Variants in MYO16 observed in about 807,000 individuals in gnomAD.
The protein encoded by MYO16 is myosin XVI.
In MYO16, 94 loss-of-function variants were observed where a neutral mutation model predicts 205.3. That is an observed-to-expected ratio of 0.46 (90% confidence interval 0.39 to 0.54). MYO16 has a LOEUF of 0.54. Ranked by LOEUF, MYO16 falls within the 20% of genes least tolerant of loss-of-function variation. The pLI, the probability that MYO16 is intolerant of heterozygous loss-of-function variation, is 0.00. For synonymous variants in MYO16, 988 were observed against 954.0 expected (o/e 1.04, Z -0.66); for missense variants, 2,315 against 2,387.5 (o/e 0.97, Z 0.63).
At chr13:108,741,146 C>T (rs780475350) in intron 4 of MYO16, among the ~76,000 whole-genome samples, 1 of 152,124 alleles carries the variant, frequency 6.6e-6, no homozygotes, top group Non-Finnish European at 1.5e-5. Flanking sequence ...CTGTCCTGCA[C>T]CCACCATCCG....
At chr13:109,008,010 T>C (rs911295388) in intron 21 of MYO16, among the ~76,000 whole-genome samples, 1 of 152,188 alleles carries the variant, frequency 6.6e-6, no homozygotes, top group African/African-American at 2.4e-5. Context: ...TTGGAAATAT[T>C]TTAAATGCTC....
intron 27 of MYO16, among the ~76,000 whole-genome samples, chr13:109,087,852 G>T (rs530053408): frequency 6.6e-6 from 1 of 152,322 alleles, no homozygotes; most frequent in South Asian, 2.1e-4. Context: ...TTAGGAATGG[G>T]ATAATTTTAC....
At chr13:109,174,588 T>C (rs1313380741) in intron 33 of MYO16, among the ~76,000 whole-genome samples, 5 of 152,074 alleles carry the variant, frequency 3.3e-5, no homozygotes, top group Non-Finnish European at 5.9e-5. Flanking sequence ...CTTGGAAAGC[T>C]GGACAGATGT....
chr13:108,636,239 A>G (rs531253692), intron 1 of MYO16, among the ~76,000 whole-genome samples: 92 of 152,124 alleles, frequency 6.0e-4, no homozygotes, highest in Non-Finnish European at 1.1e-3. Context: ...TGATAAGGTA[A>G]ATCTCTCCTG....
chr13:109,073,362 T>C (rs1461305145), intron 27 of MYO16, among the ~76,000 whole-genome samples: 2 of 152,008 alleles, frequency 1.3e-5, no homozygotes, highest in Non-Finnish European at 1.5e-5. Flanking sequence ...CCACCCACCT[T>C]GGCCTCCCGA....
chr13:108,735,295 T>A (rs1278291122), intron 4 of MYO16, among the ~76,000 whole-genome samples: 2 of 140,290 alleles, frequency 1.4e-5, no homozygotes, highest in African/African-American at 5.4e-5. Flanking sequence ...TGGTGTGTGA[T>A]GTTCCCCTTC....
chr13:109,145,715 G>C (rs1003888936), intron 32 of MYO16, among the ~76,000 whole-genome samples: 3 of 152,224 alleles, frequency 2.0e-5, no homozygotes, highest in Admixed American at 6.5e-5. Flanking sequence ...AATGGTGAAT[G>C]AGAGTCCTTG....
chr13:108,815,697 T>A (rs1469326862), intron 7 of MYO16, among the ~76,000 whole-genome samples: 2 of 152,224 alleles, frequency 1.3e-5, no homozygotes, highest in East Asian at 3.8e-4. Flanking sequence ...TGGTGATTTG[T>A]TAAAGCATGT....
chr13:108,857,911 A>G (rs534791803), intron 11 of MYO16, among the ~76,000 whole-genome samples: 66 of 152,332 alleles, frequency 4.3e-4, no homozygotes, highest in African/African-American at 1.5e-3. Context: ...GAATGTTCAT[A>G]TAACATAAAT....
intron 27 of MYO16, among the ~76,000 whole-genome samples, chr13:109,082,543 G>A (rs559406308): frequency 6.6e-6 from 1 of 152,154 alleles, no homozygotes; most frequent in South Asian, 2.1e-4. Flanking sequence ...AATAATAATG[G>A]AAAAAAGCAG....
At chr13:108,667,873 C>A (rs1425491945) in intron 2 of MYO16, among the ~76,000 whole-genome samples, 2 of 152,010 alleles carry the variant, frequency 1.3e-5, no homozygotes, top group Non-Finnish European at 1.5e-5. Flanking sequence ...TAGCAAGACC[C>A]CATCTCTACA....
At chr13:108,662,713 A>G (rs1315191277) in intron 1 of MYO16, among the ~76,000 whole-genome samples, 1 of 152,158 alleles carries the variant, frequency 6.6e-6, no homozygotes, top group Non-Finnish European at 1.5e-5. Context: ...CAGCTGCAAG[A>G]GAAAAGGGCT....
At chr13:109,202,178 T>A (rs1365781575) in intron 34 of MYO16, among the ~76,000 whole-genome samples, 3 of 151,628 alleles carry the variant, frequency 2.0e-5, no homozygotes, top group Non-Finnish European at 4.4e-5. Flanking sequence ...TGTGCACGTA[T>A]TTTTTTTGTA....
At chr13:108,835,934 T>A (rs1286777490) in intron 9 of MYO16, among the ~76,000 whole-genome samples, 1 of 152,026 alleles carries the variant, frequency 6.6e-6, no homozygotes, top group Non-Finnish European at 1.5e-5. Flanking sequence ...AAAAGAAAAA[T>A]CTATTTCTTG....
At chr13:108,931,828 T>A (rs1413267010) in intron 16 of MYO16, among the ~76,000 whole-genome samples, 1 of 152,228 alleles carries the variant, frequency 6.6e-6, no homozygotes, top group Non-Finnish European at 1.5e-5. Flanking sequence ...TAAGGCTTCT[T>A]CTGATTTGCA....
At chr13:108,822,272 A>G (rs904409936) in intron 8 of MYO16, among the ~76,000 whole-genome samples, 15 of 152,200 alleles carry the variant, frequency 9.9e-5, no homozygotes, top group Admixed American at 5.2e-4. Flanking sequence ...TTTTACATGT[A>G]TATAATTTAA....
chr13:108,886,296 G>A (rs972552644), intron 13 of MYO16: 13 of 401,774 alleles, frequency 3.2e-5, no homozygotes, highest in Non-Finnish European at 6.0e-5. Flanking sequence ...CCTCCTTTGG[G>A]TCATTTTTTA....
At chr13:109,048,738 G>A (rs1887135947) in intron 24 of MYO16, 1 of 159,904 alleles carries the variant, frequency 6.3e-6, no homozygotes, top group Admixed American at 6.4e-5. Context: ...TTTATTTGCA[G>A]GTACTTTGCT....
chr13:108,674,825 T>G (rs1392353675), intron 2 of MYO16, among the ~76,000 whole-genome samples: 2 of 152,186 alleles, frequency 1.3e-5, no homozygotes, highest in Non-Finnish European at 2.9e-5. Flanking sequence ...TACGAATGTC[T>G]CCTATATTAG....
Sources: allele counts gnomAD v4.1 joint callset (sites outside exome capture counted in the v4.1 genomes callset), GRCh38; gene constraint gnomAD v4.1.1; transcripts MANE v1.5; gene names NCBI Gene and HGNC (gene_info 2026-07-23, HGNC 2026-07-21).